MYO5B: variants seen among roughly 807,000 people sequenced by gnomAD.
The protein encoded by MYO5B is myosin VB.
A neutral mutation model predicts 229.3 loss-of-function variants in MYO5B; 143 were observed. The ratio of observed to expected loss-of-function variants is 0.62; its 90% confidence interval spans 0.54 to 0.72. The LOEUF (loss-of-function observed/expected upper bound fraction) is 0.72, where lower values mean the gene tolerates loss of function less well. MYO5B is among the 30% of genes least tolerant of loss of function. The pLI is 0.00. For missense variants in MYO5B, 2,321 were observed against 2,331.0 expected (o/e 1.00, Z 0.09); for synonymous variants, 918 against 885.2 (o/e 1.04, Z -0.66).
chr18:49,908,843 G>C (rs17714731), intron 18 of MYO5B, among the ~76,000 whole-genome samples: 12,759 of 152,240 alleles, frequency 0.084, 697 homozygotes, highest in Non-Finnish European at 0.11. Context: ...TATCTGTGGA[G>C]TTAAAGAATA....
At chr18:50,058,200 C>T (rs2030598734) in intron 1 of MYO5B, among the ~76,000 whole-genome samples, 1 of 152,230 alleles carries the variant, frequency 6.6e-6, no homozygotes. Flanking sequence ...GGTGCAGTGG[C>T]TCATGCCTAT....
At chr18:50,052,056 C>T (rs1694568078) in intron 2 of MYO5B, among the ~76,000 whole-genome samples, 1 of 152,140 alleles carries the variant, frequency 6.6e-6, no homozygotes, top group African/African-American at 2.4e-5. Context: ...CAGGAAACAA[C>T]AGGTGCTGGA....
intron 22 of MYO5B, among the ~76,000 whole-genome samples, chr18:49,881,935 T>C (rs1301344959): frequency 6.6e-6 from 1 of 152,180 alleles, no homozygotes; most frequent in Non-Finnish European, 1.5e-5. Context: ...AATCATTAGT[T>C]GGTATAGAGG....
intron 1 of MYO5B, among the ~76,000 whole-genome samples, chr18:50,138,040 T>A (rs897007372): frequency 6.6e-6 from 1 of 152,164 alleles, no homozygotes; most frequent in Admixed American, 6.5e-5. Flanking sequence ...CTGGGCTTCA[T>A]ACCTCACTGA....
chr18:49,858,738 G>T (rs1258702879), intron 29 of MYO5B, among the ~76,000 whole-genome samples: 1 of 152,238 alleles, frequency 6.6e-6, no homozygotes, highest in East Asian at 1.9e-4. Context: ...TATTGACAAA[G>T]ATAAAAGTAG....
rs2024490003 is a variant in MYO5B, at chr18:49,874,180, C to CTA, written c.3537+1505_3537+1506dup. On this transcript the variant is annotated intron_variant, in intron 26 of 39. Coordinates refer to ENST00000285039, the MANE Select transcript of MYO5B (RefSeq NM_001080467.3). Reference sequence around the variant, plus strand: ...GAGATCCTTAATATACATGACAGAGCTATGGCCCAGGCCTAGAGTTCTAAC... The same window carrying CTA: ...GAGATCCTTAATATACATGACAGAGCTATATGGCCCAGGCCTAGAGTTCTAAC... Among the ~76,000 whole-genome samples, 4 of 152,350 alleles carry CTA rather than the reference C, an allele frequency of 2.6e-5. No individual in the cohort carries two copies. In the East Asian group the frequency reaches 7.7e-4, roughly 29 times the overall value.
chr18:49,829,790 C>G (rs750050380), intron 39 of MYO5B, among the ~76,000 whole-genome samples: 7 of 152,130 alleles, frequency 4.6e-5, no homozygotes, highest in Non-Finnish European at 8.8e-5. Flanking sequence ...GTTAGTTCAA[C>G]ATAAAAATCA....
At chr18:49,882,640 A>AAAAAAAAAAG (rs1297996673) in intron 22 of MYO5B, among the ~76,000 whole-genome samples, 4 of 150,458 alleles carry the variant, frequency 2.7e-5, no homozygotes, top group African/African-American at 9.8e-5. Flanking sequence ...AAAAAAAAAA[A>AAAAAAAAAAG]AGAAAGAGGA....
intron 18 of MYO5B, among the ~76,000 whole-genome samples, chr18:49,907,362 T>A (rs560228169): frequency 1.3e-5 from 2 of 152,156 alleles, no homozygotes; most frequent in Admixed American, 6.5e-5. Flanking sequence ...AATAAAACTA[T>A]GAGATTGTTT....
At chr18:50,089,806 G>A (rs533672926) in intron 1 of MYO5B, among the ~76,000 whole-genome samples, 1 of 152,228 alleles carries the variant, frequency 6.6e-6, no homozygotes, top group Non-Finnish European at 1.5e-5. Flanking sequence ...GATTCCCTGG[G>A]CCTTTGTGCC....
intron 1 of MYO5B, among the ~76,000 whole-genome samples, chr18:50,092,834 A>C (rs183695493): frequency 1.3e-5 from 2 of 152,360 alleles, no homozygotes; most frequent in Admixed American, 1.3e-4. Context: ...AAATGTCAAG[A>C]GTGTTAGACT....
intron 1 of MYO5B, among the ~76,000 whole-genome samples, chr18:50,140,290 A>C (rs1261550794): frequency 6.6e-6 from 1 of 152,262 alleles, no homozygotes; most frequent in Non-Finnish European, 1.5e-5. Context: ...GCTCAAGGAA[A>C]GCAACACATT....
At chr18:49,997,969 G>A (rs1429342457) in intron 5 of MYO5B, among the ~76,000 whole-genome samples, 1 of 152,208 alleles carries the variant, frequency 6.6e-6, no homozygotes, top group Non-Finnish European at 1.5e-5. Context: ...GACATGCTCT[G>A]TGCTGGTTAT....
intron 18 of MYO5B, among the ~76,000 whole-genome samples, chr18:49,908,761 G>T (rs781062612): frequency 6.6e-6 from 1 of 152,166 alleles, no homozygotes; most frequent in Non-Finnish European, 1.5e-5. Flanking sequence ...GGAGAGTAGG[G>T]TCCATGTAAT....
chr18:50,003,832 A>C (rs184195952), intron 4 of MYO5B, among the ~76,000 whole-genome samples: 2 of 152,362 alleles, frequency 1.3e-5, no homozygotes, highest in East Asian at 3.9e-4. Context: ...ATGCAGAAGT[A>C]TATACTATCC....
chr18:49,918,209 C>T (rs1313560121), intron 17 of MYO5B, among the ~76,000 whole-genome samples: 1 of 152,228 alleles, frequency 6.6e-6, no homozygotes, highest in Admixed American at 6.5e-5. Flanking sequence ...AACATGCCTG[C>T]TTGCAAGGGC....
chr18:49,854,860 A>G (rs993625061), intron 30 of MYO5B, among the ~76,000 whole-genome samples: 2 of 152,220 alleles, frequency 1.3e-5, no homozygotes, highest in Non-Finnish European at 2.9e-5. Flanking sequence ...CACTGTTGAT[A>G]TAAGCAACCA....
intron 1 of MYO5B, among the ~76,000 whole-genome samples, chr18:50,140,592 C>T (rs2144285624): frequency 6.6e-6 from 1 of 152,340 alleles, no homozygotes; most frequent in East Asian, 1.9e-4. Context: ...CTGACATTTA[C>T]AACCAAAGAG....
At chr18:49,907,165 G>A (rs2024909086) in intron 18 of MYO5B, among the ~76,000 whole-genome samples, 1 of 152,176 alleles carries the variant, frequency 6.6e-6, no homozygotes, top group African/African-American at 2.4e-5. Context: ...CTAGCTGGGG[G>A]AACTGAAGGT....
Sources: gnomAD v4.1 joint callset for allele counts (sites outside exome capture counted in the v4.1 genomes callset) on GRCh38, gnomAD v4.1.1 for gene constraint, MANE v1.5 for transcripts, NCBI Gene and HGNC (gene_info 2026-07-23, HGNC 2026-07-21) for gene names.